FBXL17: variants seen among roughly 807,000 people sequenced by gnomAD.
FBXL17 encodes the protein F-box and leucine rich repeat protein 17, also known as F-box/LRR-repeat protein 17.
Under a neutral mutation model 66.2 loss-of-function variants are expected in FBXL17, and 22 were observed. That is an observed-to-expected ratio of 0.33 (90% CI 0.24 to 0.47). FBXL17 has a LOEUF of 0.47. FBXL17 is among the 20% of genes least tolerant of loss of function. FBXL17 has a pLI of 1.00. For missense variants in FBXL17, 878 were observed against 948.2 expected (o/e 0.93, Z 0.97); for synonymous variants, 474 against 400.5 (o/e 1.18, Z -2.19).
chr5:108,332,241 A>C (rs944092523), intron 4 of FBXL17, among the ~76,000 whole-genome samples: 1 of 152,130 alleles, frequency 6.6e-6, no homozygotes, highest in Admixed American at 6.6e-5. Context: ...AAATGTTCAA[A>C]AGCTTTTTGA....
chr5:108,265,535 T>C (rs1040167175), intron 4 of FBXL17, among the ~76,000 whole-genome samples: 3 of 152,194 alleles, frequency 2.0e-5, no homozygotes, highest in African/African-American at 7.2e-5. Context: ...AATGTTCAAC[T>C]GTATTTTGTT....
intron 4 of FBXL17, among the ~76,000 whole-genome samples, chr5:108,321,107 C>T (rs1163368607): frequency 6.6e-6 from 1 of 151,424 alleles, no homozygotes; most frequent in Admixed American, 6.6e-5. Flanking sequence ...ATAATTTTCA[C>T]ATCCAATATA....
At chr5:108,074,346 A>G (rs1438194075) in intron 6 of FBXL17, among the ~76,000 whole-genome samples, 1 of 150,692 alleles carries the variant, frequency 6.6e-6, no homozygotes, top group African/African-American at 2.4e-5. Context: ...CTCTACAGTC[A>G]GAAGTCAGCT....
intron 6 of FBXL17, among the ~76,000 whole-genome samples, chr5:108,173,763 A>T (rs541159631): frequency 2.2e-4 from 33 of 152,312 alleles, no homozygotes; most frequent in African/African-American, 7.2e-4. Flanking sequence ...ATGAAAGGGT[A>T]TTCCTCCAAT....
chr5:108,098,162 A>C (rs1019182426), intron 6 of FBXL17, among the ~76,000 whole-genome samples: 1 of 152,202 alleles, frequency 6.6e-6, no homozygotes, highest in African/African-American at 2.4e-5. Context: ...CTTCTAAAAA[A>C]AAACAGAAAT....
chr5:108,296,903 T>C (rs1007879432), intron 4 of FBXL17, among the ~76,000 whole-genome samples: 6 of 151,530 alleles, frequency 4.0e-5, no homozygotes, highest in African/African-American at 1.5e-4. Flanking sequence ...GTAATTTTTG[T>C]TTTTAATATA....
chr5:107,917,324 A>G (rs777489843), intron 7 of FBXL17, among the ~76,000 whole-genome samples: 19 of 152,240 alleles, frequency 1.2e-4, no homozygotes, highest in Non-Finnish European at 2.6e-4. Context: ...TGAGCATTCT[A>G]TAAAACCTAA....
intron 5 of FBXL17, among the ~76,000 whole-genome samples, chr5:108,220,819 G>A (rs1441410896): frequency 1.3e-5 from 2 of 152,126 alleles, no homozygotes; most frequent in Non-Finnish European, 2.9e-5. Context: ...TTTTAAAAGT[G>A]GGAGAGAGAG....
intron 7 of FBXL17, among the ~76,000 whole-genome samples, chr5:108,009,261 T>TTATATATATA (rs375853217): frequency 1.6e-3 from 33 of 20,846 alleles, no homozygotes; most frequent in East Asian, 3.6e-3. Context: ...GTTCCCTGTT[T>TTATATATATA]TATATATATA....
intron 6 of FBXL17, among the ~76,000 whole-genome samples, chr5:108,064,206 C>G (rs75676379): frequency 1.3e-3 from 193 of 152,230 alleles, no homozygotes; most frequent in African/African-American, 4.5e-3. Context: ...CAGTCAATCA[C>G]TTACTGTACT....
intron 7 of FBXL17, among the ~76,000 whole-genome samples, chr5:108,016,444 CA>C (rs200348770): frequency 6.6e-6 from 1 of 151,764 alleles, no homozygotes; most frequent in African/African-American, 2.4e-5. Context: ...AAAATGGAAA[CA>C]AAAAAATATC....
intron 1 of FBXL17, among the ~76,000 whole-genome samples, chr5:108,369,594 A>G (rs954572424): frequency 6.6e-5 from 10 of 151,694 alleles, no homozygotes; most frequent in African/African-American, 2.2e-4. Context: ...TCAAAACACC[A>G]TATATTTTAA....
At chr5:107,940,419 G>T (rs1474528217) in intron 7 of FBXL17, among the ~76,000 whole-genome samples, 7 of 152,100 alleles carry the variant, frequency 4.6e-5, no homozygotes, top group Admixed American at 4.6e-4. Context: ...ATGCAAGGTG[G>T]TCAGCATGCA....
chr5:108,222,975 G>A (rs956713067), intron 5 of FBXL17, among the ~76,000 whole-genome samples: 7 of 151,852 alleles, frequency 4.6e-5, no homozygotes, highest in Admixed American at 1.3e-4. Flanking sequence ...TGCCTGGCCC[G>A]CATCTGTTTT....
intron 5 of FBXL17, among the ~76,000 whole-genome samples, chr5:108,193,342 T>C (rs961781134): frequency 5.3e-5 from 8 of 151,950 alleles, no homozygotes; most frequent in African/African-American, 1.7e-4. Flanking sequence ...GAGCTTCCTA[T>C]TAAAGACAGG....
At chr5:107,927,759 A>T (rs1750575939) in intron 7 of FBXL17, among the ~76,000 whole-genome samples, 1 of 152,126 alleles carries the variant, frequency 6.6e-6, no homozygotes. Context: ...ATGATTTATA[A>T]TGATAAGTTG....
At chr5:107,948,811 T>G (rs1223192204) in intron 7 of FBXL17, among the ~76,000 whole-genome samples, 3 of 152,202 alleles carry the variant, frequency 2.0e-5, no homozygotes, top group African/African-American at 7.2e-5. Flanking sequence ...AAGAAGCAGA[T>G]CTTGCCTATA....
At chr5:108,289,750 C>T (rs1758038005) in intron 4 of FBXL17, among the ~76,000 whole-genome samples, 1 of 152,036 alleles carries the variant, frequency 6.6e-6, no homozygotes, top group Non-Finnish European at 1.5e-5. Context: ...TTCCAGTTTC[C>T]TATGTAAAAA....
chr5:108,113,042 C>T (rs1750101200), intron 6 of FBXL17, among the ~76,000 whole-genome samples: 1 of 152,116 alleles, frequency 6.6e-6, no homozygotes, highest in South Asian at 2.1e-4. Flanking sequence ...CCTAAAATTG[C>T]CTAGCATACA....
Sources: allele counts gnomAD v4.1 joint callset (sites outside exome capture counted in the v4.1 genomes callset), GRCh38; gene constraint gnomAD v4.1.1; transcripts MANE v1.5; gene names NCBI Gene and HGNC (gene_info 2026-07-23, HGNC 2026-07-21).